Variants in FAM135A observed in about 807,000 individuals in gnomAD.
FAM135A encodes the protein protein FAM135A.
FAM135A carries 79 observed loss-of-function variants against 146.8 expected under a neutral mutation model. The ratio of observed to expected loss-of-function variants is 0.54; its 90% CI spans 0.45 to 0.65. The LOEUF is 0.65. Among genes scored for constraint, FAM135A ranks in the 30% least tolerant of loss-of-function variants. The pLI, the probability that FAM135A is intolerant of heterozygous loss-of-function variation, is 0.00. For synonymous variants in FAM135A, 562 were observed against 603.6 expected (o/e 0.93, Z 1.01); for missense variants, 1,623 against 1,758.2 (o/e 0.92, Z 1.38).
intron 2 of FAM135A, among the ~76,000 whole-genome samples, chr6:70,419,279 C>T (rs1039439488): frequency 2.0e-5 from 3 of 152,122 alleles, no homozygotes; most frequent in African/African-American, 7.2e-5. Flanking sequence ...ATTAGCTGGG[C>T]GTGGTGGCGC....
At chr6:70,510,399 A>G (rs938079947) in intron 12 of FAM135A, among the ~76,000 whole-genome samples, 1 of 152,036 alleles carries the variant, frequency 6.6e-6, no homozygotes, top group Non-Finnish European at 1.5e-5. Context: ...TTATTCCAAG[A>G]CATTTTCATC....
intron 4 of FAM135A, among the ~76,000 whole-genome samples, chr6:70,449,122 C>T (rs1776476108): frequency 6.6e-6 from 1 of 152,042 alleles, no homozygotes; most frequent in South Asian, 2.1e-4. Context: ...AAGTGGCTTT[C>T]TTTTCATATT....
At chr6:70,474,985 T>A (rs1477802944) in intron 5 of FAM135A, among the ~76,000 whole-genome samples, 3 of 152,184 alleles carry the variant, frequency 2.0e-5, no homozygotes, top group Admixed American at 6.5e-5. Context: ...ATTTAGAGGC[T>A]ACTTCTCAGA....
intron 4 of FAM135A, 54 bp from the exon 5 acceptor site, chr6:70,452,438 A>G (rs1777320498): frequency 7.7e-7 from 1 of 1,303,250 alleles, no homozygotes; most frequent in South Asian, 1.3e-5. Context: ...AAGTCGGGGC[A>G]TTGCATATTT....
chr6:70,478,485 T>G (rs536881029), intron 8 of FAM135A, among the ~76,000 whole-genome samples: 1 of 152,284 alleles, frequency 6.6e-6, no homozygotes, highest in Non-Finnish European at 1.5e-5. Context: ...GAAAACTAAG[T>G]AAATCATTTT....
chr6:70,520,980 T>C (rs772687623), intron 12 of FAM135A, among the ~76,000 whole-genome samples: 16 of 152,352 alleles, frequency 1.1e-4, no homozygotes, highest in Non-Finnish European at 2.2e-4. Context: ...AAATCTTCGT[T>C]TGAATCACAG....
At chr6:70,552,821 A>C (rs1320570580) in intron 20 of FAM135A, among the ~76,000 whole-genome samples, 1 of 152,100 alleles carries the variant, frequency 6.6e-6, no homozygotes, top group Non-Finnish European at 1.5e-5. Flanking sequence ...GAGGGAACAC[A>C]GTTATATGTC....
chr6:70,548,946 T>C (rs1799327823), intron 20 of FAM135A, among the ~76,000 whole-genome samples: 1 of 151,878 alleles, frequency 6.6e-6, no homozygotes, highest in Non-Finnish European at 1.5e-5. Flanking sequence ...AAAATATATA[T>C]ATATGGAAGG....
chr6:70,496,357 T>C (rs979330642), intron 11 of FAM135A, among the ~76,000 whole-genome samples: 3 of 152,224 alleles, frequency 2.0e-5, no homozygotes, highest in African/African-American at 7.2e-5. Flanking sequence ...TGGGGTTGTT[T>C]TTTTCTGGTA....
chr6:70,448,527 C>T (rs181959790), intron 4 of FAM135A, among the ~76,000 whole-genome samples: 11 of 152,192 alleles, frequency 7.2e-5, no homozygotes, highest in East Asian at 1.9e-4. Context: ...GACCTGGATT[C>T]GAGCCCCCGT....
intron 12 of FAM135A, 109 bp from the exon 13 acceptor site, chr6:70,522,404 G>C (rs1457022719): frequency 1.2e-6 from 1 of 810,496 alleles, no homozygotes; most frequent in African/African-American, 1.7e-5. Context: ...TAATTCTGAC[G>C]GGTGATTGTG....
rs869210798 is a variant in FAM135A at position 70,554,625 on chromosome 6, G to GT, written c.4229-2118dup. ...AGGTTCATTTATTTGGTTTTGGGGG[G>GT]TTTTTTTGGTTTTTGTTTTTTGAGA... On this transcript the variant is annotated intron_variant, in intron 20 of 21. Transcript: ENST00000418814. 1.1e-4 allele frequency among the ~76,000 whole-genome samples: 16 copies of GT among 151,862 alleles called. No homozygotes were observed. The South Asian group carries it at 1.5e-3, about 14-fold the overall frequency.
At chr6:70,533,394 G>T in intron 17 of FAM135A, 143 bp downstream of exon 17, 1 of 605,848 alleles carries the variant, frequency 1.7e-6, no homozygotes, top group African/African-American at 1.9e-5. Context: ...ATATCCAAAG[G>T]AAATATATAT....
At chr6:70,469,197 T>C (rs1781094240) in intron 5 of FAM135A, among the ~76,000 whole-genome samples, 1 of 152,230 alleles carries the variant, frequency 6.6e-6, no homozygotes, top group Admixed American at 6.5e-5. Context: ...TTTAACTGTG[T>C]ATCCCAAACA....
chr6:70,475,314 A>C (rs1782412324), intron 5 of FAM135A, 96 bp from the exon 6 acceptor site: 1 of 1,003,596 alleles, frequency 1.0e-6, no homozygotes, highest in African/African-American at 1.7e-5. Context: ...CACTATAGTA[A>C]TATAATCAAA....
intron 5 of FAM135A, among the ~76,000 whole-genome samples, chr6:70,472,283 G>A (rs1258834292): frequency 6.6e-6 from 1 of 152,184 alleles, no homozygotes; most frequent in East Asian, 1.9e-4. Flanking sequence ...TTTCATTGAG[G>A]AGAATTTCTT....
In FAM135A at chr6:70,525,964, T is replaced by C. The variant is rs1333715507; in HGVS notation, c.2880T>C (p.Ser960=). The change falls in exon 15 of 22, where the codon TCT becomes TCC. Residue 960 remains serine (S), a synonymous_variant. Transcript: ENST00000418814. ...AGAGTCCTGATAAATCTAATAACTC[T>C]ACAGGGACAGCAATTACATTAAATT... is the stretch of plus-strand genomic sequence containing the variant. ...GFQSPDKSNN[S]TGTAITLNSK... is the part of the protein sequence containing the mutation. The C allele has an allele frequency of 6.2e-7, 1 of 1,613,422 alleles. No homozygotes were observed. The highest frequency in any genetic ancestry group is 8.5e-7 in the Non-Finnish European group (1 of 1,179,636).
At chr6:70,504,864 T>A (rs1217603593) in intron 12 of FAM135A, 1 of 151,886 alleles carries the variant, frequency 6.6e-6, no homozygotes, top group Non-Finnish European at 1.5e-5. Flanking sequence ...TCCCAGCTAC[T>A]TGGGAGGCTG....
chr6:70,415,665 A>G (rs1767404082), intron 2 of FAM135A, among the ~76,000 whole-genome samples: 1 of 152,216 alleles, frequency 6.6e-6, no homozygotes, highest in Non-Finnish European at 1.5e-5. Flanking sequence ...ATTTTTAGGT[A>G]AACATTCATT....
Sources: gnomAD v4.1 joint callset for allele counts (sites outside exome capture counted in the v4.1 genomes callset) on GRCh38, gnomAD v4.1.1 for gene constraint, MANE v1.5 for transcripts, NCBI Gene and HGNC (gene_info 2026-07-23, HGNC 2026-07-21) for gene names.